The following CFAP74 variants were observed in gnomAD, a reference collection of about 807,000 sequenced individuals.
The protein encoded by CFAP74 is cilia and flagella associated protein 74, also known as cilia- and flagella-associated protein 74.
Under a neutral mutation model 188.9 loss-of-function variants are expected in CFAP74, and 124 were observed. That is an observed-to-expected ratio of 0.66 (90% confidence interval 0.57 to 0.76). The LOEUF (loss-of-function observed/expected upper bound fraction) is 0.76. Among genes scored for constraint, CFAP74 ranks in the 30% least tolerant of loss-of-function variants. CFAP74 has a pLI of 0.00. For synonymous variants in CFAP74, 956 were observed against 916.7 expected, an observed-to-expected ratio of 1.04 and a Z score of -0.77; for missense variants, 2,198 against 2,165.2, an observed-to-expected ratio of 1.02 and a Z score of -0.30.
rs1003334981 is a variant in CFAP74, at chr1:1,987,191, A to G, written c.297-156T>C. ...TCTCTCTAACACCTTCAAGCCACACAAGCAGGGTCTTGTCGTCCATTTTTG... is the reference window on the plus strand; with the variant it reads ...TCTCTCTAACACCTTCAAGCCACACGAGCAGGGTCTTGTCGTCCATTTTTG... On this transcript the variant is annotated intron_variant, in intron 4 of 38. Transcript: ENST00000682832. Among the ~76,000 whole-genome samples the G allele has an allele frequency of 5.3e-5, 8 of 152,206 alleles. No individual in the cohort carries two copies. The South Asian group carries it at 1.4e-3, about 28-fold the overall frequency.
chr1:1,951,091 TTTAA>T (rs1654175374), intron 18 of CFAP74, among the ~76,000 whole-genome samples: 1 of 151,944 alleles, frequency 6.6e-6, no homozygotes, highest in African/African-American at 2.4e-5. Flanking sequence ...AGGAAAGAGG[TTTAA>T]TTGACTCACA....
chr1:1,926,883 G>A lies in CFAP74; in HGVS notation c.3662+11C>T, dbSNP rs1270379405. On this transcript the variant is annotated intron_variant, in intron 29 of 38. Transcript: ENST00000682832. ...CTGACCACACCCTGTTCTGGCCAGA[G>A]CACCCCGCACCTGAAGCTCAGGGGT... The A allele has an allele frequency of 6.5e-7, 1 of 1,549,812 alleles. No homozygotes were observed. Among genetic ancestry groups the A allele is most frequent in the African/African-American group, 1.4e-5 (1 of 73,018 alleles).
At chr1:1,974,429 C>T (rs1204953056) in intron 6 of CFAP74, among the ~76,000 whole-genome samples, 4 of 152,192 alleles carry the variant, frequency 2.6e-5, no homozygotes, top group Non-Finnish European at 5.9e-5. Context: ...CGGCTAGAGC[C>T]TGGCCTGCAC....
chr1:1,970,063 G>GA (rs1655829593), intron 10 of CFAP74, among the ~76,000 whole-genome samples: 1 of 152,256 alleles, frequency 6.6e-6, no homozygotes, highest in African/African-American at 2.4e-5. Context: ...TGGATCTCAG[G>GA]AAGCCCAGTG....
At chr1:1,955,317 G>GCGT in intron 18 of CFAP74, 1 of 1,304,654 alleles carries the variant, frequency 7.7e-7, no homozygotes, top group Non-Finnish European at 1.0e-6. Context: ...ACCTCTCCCC[G>GCGT]CTGGTGCGCG....
intron 25 of CFAP74, 38 bp downstream of exon 25, chr1:1,938,817 T>G (rs1408827053): frequency 6.5e-7 from 1 of 1,532,698 alleles, no homozygotes; most frequent in South Asian, 1.2e-5. Flanking sequence ...GAGCGGGCAC[T>G]CCAGGCCCCC....
intron 1 of CFAP74, among the ~76,000 whole-genome samples, chr1:1,997,229 C>A (rs1400595470): frequency 2.0e-5 from 3 of 151,608 alleles, no homozygotes; most frequent in Non-Finnish European, 4.4e-5. Flanking sequence ...TCGAGACCAG[C>A]CTGACCAATG....
intron 1 of CFAP74, among the ~76,000 whole-genome samples, chr1:1,993,043 A>C (rs1657682929): frequency 6.6e-6 from 1 of 151,388 alleles, no homozygotes; most frequent in Non-Finnish European, 1.5e-5. Flanking sequence ...TCTACTAAAA[A>C]TACAAAAACT....
chr1:1,993,861 A>T (rs936627108), intron 1 of CFAP74, among the ~76,000 whole-genome samples: 1 of 151,254 alleles, frequency 6.6e-6, no homozygotes, highest in Non-Finnish European at 1.5e-5. Flanking sequence ...GGGCGCCTAT[A>T]GTCCCAGCTA....
intron 1 of CFAP74, among the ~76,000 whole-genome samples, chr1:1,996,675 C>CT (rs1021286082): frequency 6.6e-6 from 1 of 152,130 alleles, no homozygotes; most frequent in African/African-American, 2.4e-5. Context: ...GATCTCAGCA[C>CT]TTTTGGAGGC....
intron 6 of CFAP74, among the ~76,000 whole-genome samples, chr1:1,977,223 G>T (rs1189547919): frequency 6.6e-6 from 1 of 152,224 alleles, no homozygotes; most frequent in African/African-American, 2.4e-5. Flanking sequence ...ATAGCGTTGA[G>T]TTCCAGCAGA....
In CFAP74 at chr1:1,948,942, T is replaced by TCTTTCCGTC; in HGVS notation, c.2177-1889_2177-1888insGACGGAAAG. ...TTTCCTTCCTTCCTCTTTCCTCCCT[T>TCTTTCCGTC]CCTTTCCCTCCCTTACTCCCTTCCT... On this transcript the variant is annotated intron_variant, in intron 18 of 38. Transcript: ENST00000682832. Among the ~76,000 whole-genome samples, 2 of 34,426 alleles carry TCTTTCCGTC rather than the reference T, an allele frequency of 5.8e-5. 1 individual carries two copies. The highest frequency in any genetic ancestry group is 1.4e-4 in the African/African-American group (2 of 14,552). The allele number at this position is 34,426 out of a possible 152,430, so 22.6% of individuals were successfully genotyped here.
chr1:1,938,164 C>T (rs1008956150), intron 25 of CFAP74, among the ~76,000 whole-genome samples: 2 of 150,548 alleles, frequency 1.3e-5, no homozygotes, highest in African/African-American at 2.5e-5. Flanking sequence ...CACACTCAAC[C>T]TTACACACCC....
In CFAP74 at chr1:1,972,992, C is replaced by A; in HGVS notation, c.730G>T (p.Asp244Tyr). 6.2e-7 allele frequency: 1 copy of A among 1,614,062 alleles called. No homozygotes were observed. The highest frequency in any genetic ancestry group is 8.5e-7 in the Non-Finnish European group (1 of 1,180,018). The change falls in exon 8 of 39, where the codon GAC becomes TAC. Residue 244 changes from aspartate to tyrosine, a missense_variant. By Grantham distance (160) the Asp-to-Tyr change is radical. Coordinates refer to ENST00000682832, the MANE Select transcript of CFAP74 (RefSeq NM_001304360.2). Reference sequence around the variant, plus strand: ...GCAACCTTGTGGTTCTTCCGGGCGTCCTCCAGCAGCTTCTGGTGCCTGAGC... The same window carrying A: ...GCAACCTTGTGGTTCTTCCGGGCGTACTCCAGCAGCTTCTGGTGCCTGAGC... The part of the protein sequence containing the change: ...LGLRHQKLLE[D>Y]ARKNHKVAVR...
intron 14 of CFAP74, among the ~76,000 whole-genome samples, chr1:1,961,408 C>CA (rs906722356): frequency 1.4e-4 from 22 of 152,088 alleles, no homozygotes; most frequent in Admixed American, 3.3e-4. Flanking sequence ...AGGTATCCTC[C>CA]AAAAAAACCA....
chr1:1,953,069 T>G (rs1334045655), intron 18 of CFAP74, among the ~76,000 whole-genome samples: 3 of 152,062 alleles, frequency 2.0e-5, no homozygotes, highest in Admixed American at 6.6e-5. Context: ...GATTCTACAG[T>G]TTATGTGGAA....
rs1341555461 is a variant in CFAP74, at chr1:1,939,746, C to T, written c.2725G>A (p.Val909Met). 3.7e-5 allele frequency: 57 copies of T among 1,535,904 alleles called. No homozygotes were observed. Among genetic ancestry groups the T allele is most frequent in the East Asian group, 2.4e-4 (10 of 40,924 alleles). The change falls in exon 24 of 39, where the codon GTG becomes ATG. Residue 909 changes from valine to methionine, a missense_variant. Transcript: ENST00000682832. ...ADQNKPVGFT[V>M]HAIVTTSDLE... ...TCCGAGGTGGTGACAATGGCATGCA[C>T]GGTGAATCCCACTGGCTTGTTCTGA...
Position 1,988,891 on chromosome 1 carries a change from G to T in CFAP74, c.150C>A (p.Ser50Arg). The T allele has an allele frequency of 2.0e-6, 3 of 1,474,592 alleles. No homozygotes were observed. The highest frequency in any genetic ancestry group is 2.8e-6 in the Non-Finnish European group (3 of 1,086,216). The allele number at this position is 1,474,592 out of a possible 1,614,324, so 91.3% of individuals were successfully genotyped here. A position where few individuals can be genotyped will look rare whatever the true frequency, so the allele number is the denominator to read the frequency against. Residue 50 changes from serine (S) to arginine (R), a missense_variant and splice_region_variant, in exon 3 of 39, where the codon AGC becomes AGA. By Grantham distance (110) the Ser-to-Arg change is moderately radical. Coordinates refer to ENST00000682832, the MANE Select transcript of CFAP74 (RefSeq NM_001304360.2). ...CCACCCCCGATCCTCCGAGTTACCT[G>T]CTGTGTCCCGGGTCCACGTCATCCT... ...EAEDDVDPGH[S>R]SSVKELDTDA...
In CFAP74 at chr1:1,925,802, G is replaced by A. The variant is rs761171584; in HGVS notation, c.4085C>T (p.Ser1362Phe). The stretch of plus-strand genomic sequence containing the variant: ...CTTCACCTTGAAGCCTGAGGACACA[G>A]ACTCTCCGGCAATCACATAGCCCAT... ...LNMGYVIAGE[S>F]VSSGFKLQNN... The change falls in exon 33 of 39, where the codon TCT becomes TTT. Residue 1362 changes from serine (S) to phenylalanine (F), a missense_variant. Coordinates refer to ENST00000682832, the MANE Select transcript of CFAP74 (RefSeq NM_001304360.2). 6.2e-7 allele frequency: 1 copy of A among 1,612,544 alleles called. No homozygotes were observed. Among genetic ancestry groups the A allele is most frequent in the South Asian group, 1.1e-5 (1 of 91,076 alleles).
Sources: gnomAD v4.1 joint callset for allele counts (sites outside exome capture counted in the v4.1 genomes callset) on GRCh38, gnomAD v4.1.1 for gene constraint, MANE v1.5 for transcripts, NCBI Gene and HGNC (gene_info 2026-07-23, HGNC 2026-07-21) for gene names.